KCNIP4: variants seen among roughly 807,000 people sequenced by gnomAD.
The protein encoded by KCNIP4 is Kv channel-interacting protein 4.
A neutral mutation model predicts 34.0 loss-of-function variants in KCNIP4; 12 were observed. The ratio of observed to expected loss-of-function variants is 0.35; its 90% CI spans 0.23 to 0.57. KCNIP4 has a LOEUF of 0.57. Among genes scored for constraint, KCNIP4 ranks in the 20% least tolerant of loss-of-function variants. The pLI is 0.83. For synonymous variants in KCNIP4, 124 were observed against 102.2 expected (o/e 1.21, Z -1.29); for missense variants, 238 against 311.7 (o/e 0.76, Z 1.78).
intron 1 of KCNIP4, among the ~76,000 whole-genome samples, chr4:21,745,638 A>G (rs886528846): frequency 6.6e-6 from 1 of 152,144 alleles, no homozygotes; most frequent in Admixed American, 6.6e-5. Context: ...TAAACTGACA[A>G]TGTATCAAAA....
chr4:21,772,674 A>G (rs746542648), intron 1 of KCNIP4, among the ~76,000 whole-genome samples: 6 of 152,022 alleles, frequency 3.9e-5, no homozygotes, highest in Non-Finnish European at 7.4e-5. Context: ...CCAGAAATTT[A>G]CCCATTTCTT....
At chr4:21,651,507 C>G (rs1314215832) in intron 1 of KCNIP4, among the ~76,000 whole-genome samples, 1 of 152,146 alleles carries the variant, frequency 6.6e-6, no homozygotes, top group African/African-American at 2.4e-5. Flanking sequence ...TTACCACTTC[C>G]TAATGGAAAA....
At chr4:21,214,589 G>C (rs951893515) in intron 1 of KCNIP4, among the ~76,000 whole-genome samples, 1 of 152,144 alleles carries the variant, frequency 6.6e-6, no homozygotes, top group Non-Finnish European at 1.5e-5. Flanking sequence ...TTGTCAGAAA[G>C]AATTTTATCC....
chr4:21,313,074 A>G (rs536666906), intron 1 of KCNIP4, among the ~76,000 whole-genome samples: 1 of 152,356 alleles, frequency 6.6e-6, no homozygotes, highest in African/African-American at 2.4e-5. Context: ...TCTAATCTTT[A>G]TCTAAATCAA....
At chr4:20,819,158 C>T (rs1045820080) in intron 3 of KCNIP4, among the ~76,000 whole-genome samples, 2 of 151,984 alleles carry the variant, frequency 1.3e-5, no homozygotes, top group African/African-American at 4.8e-5. Flanking sequence ...CAGCGCCTGG[C>T]CTTATGTTAT....
chr4:21,384,790 C>G (rs1434444728), intron 1 of KCNIP4, among the ~76,000 whole-genome samples: 1 of 152,178 alleles, frequency 6.6e-6, no homozygotes, highest in Non-Finnish European at 1.5e-5. Context: ...ATCTACATCA[C>G]ATAGAGATAG....
chr4:21,136,179 G>A (rs1751483067), intron 1 of KCNIP4, among the ~76,000 whole-genome samples: 1 of 152,072 alleles, frequency 6.6e-6, no homozygotes, highest in Admixed American at 6.6e-5. Context: ...GTGCCCTAAG[G>A]TCCTAACATG....
chr4:20,796,324 T>C (rs1713456243), intron 3 of KCNIP4, among the ~76,000 whole-genome samples: 2 of 152,214 alleles, frequency 1.3e-5, no homozygotes, highest in African/African-American at 4.8e-5. Context: ...TTGTTTGTTT[T>C]TTGAGACAGG....
intron 1 of KCNIP4, among the ~76,000 whole-genome samples, chr4:21,139,712 T>A (rs1751792589): frequency 6.9e-6 from 1 of 144,316 alleles, no homozygotes; most frequent in Non-Finnish European, 1.5e-5. Context: ...CAGCTCAACT[T>A]CTTCTGCTCG....
chr4:21,708,998 T>A (rs1713505642), intron 1 of KCNIP4, among the ~76,000 whole-genome samples: 3 of 152,308 alleles, frequency 2.0e-5, no homozygotes, highest in Middle Eastern at 3.4e-3. Context: ...TAGTATTTTT[T>A]AAATTTTATT....
intron 1 of KCNIP4, among the ~76,000 whole-genome samples, chr4:21,224,509 A>G (rs150370754): frequency 6.7e-6 from 1 of 149,148 alleles, no homozygotes; most frequent in Non-Finnish European, 1.5e-5. Context: ...GGACACAAAC[A>G]TTCCACCCAT....
chr4:21,056,639 A>G (rs766047779), intron 1 of KCNIP4, among the ~76,000 whole-genome samples: 41 of 152,104 alleles, frequency 2.7e-4, no homozygotes, highest in Non-Finnish European at 5.1e-4. Context: ...GACTCTTTCC[A>G]TGCTTTGTAA....
intron 1 of KCNIP4, among the ~76,000 whole-genome samples, chr4:21,904,726 G>A (rs549796042): frequency 1.6e-4 from 25 of 152,182 alleles, no homozygotes; most frequent in African/African-American, 5.3e-4. Flanking sequence ...CATTTTGGAT[G>A]AAATCATTTT....
At chr4:21,240,751 A>G (rs1759750329) in intron 1 of KCNIP4, among the ~76,000 whole-genome samples, 2 of 152,226 alleles carry the variant, frequency 1.3e-5, no homozygotes, top group African/African-American at 2.4e-5. Flanking sequence ...AGCCAACTCA[A>G]AAGTACCTTC....
intron 1 of KCNIP4, among the ~76,000 whole-genome samples, chr4:21,256,003 G>C (rs1343611109): frequency 6.6e-6 from 1 of 151,798 alleles, no homozygotes; most frequent in Non-Finnish European, 1.5e-5. Flanking sequence ...TTAGTGACAA[G>C]AACCACATAG....
intron 1 of KCNIP4, among the ~76,000 whole-genome samples, chr4:21,232,206 T>C (rs1758841600): frequency 6.6e-6 from 1 of 152,092 alleles, no homozygotes; most frequent in Admixed American, 6.6e-5. Context: ...GGCTTTAACT[T>C]TAATGGTGTA....
intron 1 of KCNIP4, among the ~76,000 whole-genome samples, chr4:21,018,196 T>G (rs1002014163): frequency 2.6e-5 from 4 of 152,106 alleles, no homozygotes; most frequent in Non-Finnish European, 4.4e-5. Context: ...CTCTCTAAAC[T>G]CTCTCTTTTC....
intron 1 of KCNIP4, among the ~76,000 whole-genome samples, chr4:21,578,586 C>G (rs1740943495): frequency 6.6e-6 from 1 of 152,174 alleles, no homozygotes; most frequent in Middle Eastern, 3.4e-3. Flanking sequence ...CCCTTCTACT[C>G]AGTGGATGAA....
chr4:20,861,922 T>C (rs1722236092), intron 2 of KCNIP4, among the ~76,000 whole-genome samples: 1 of 151,614 alleles, frequency 6.6e-6, no homozygotes, highest in Non-Finnish European at 1.5e-5. Flanking sequence ...ATTATCAGCA[T>C]TAACCATATT....
Sources: gnomAD v4.1 joint callset for allele counts (sites outside exome capture counted in the v4.1 genomes callset) on GRCh38, gnomAD v4.1.1 for gene constraint, MANE v1.5 for transcripts, NCBI Gene and HGNC (gene_info 2026-07-23, HGNC 2026-07-21) for gene names.